Variants in HIPK2 observed in about 807,000 individuals in gnomAD.
HIPK2 encodes the protein homeodomain-interacting protein kinase 2.
A neutral mutation model predicts 113.7 loss-of-function variants in HIPK2; 27 were observed. That is an observed-to-expected ratio of 0.24 (90% CI 0.17 to 0.33). HIPK2 has a LOEUF of 0.33. Among genes scored for constraint, HIPK2 ranks in the 10% least tolerant of loss-of-function variants. HIPK2 has a pLI of 1.00. For missense variants in HIPK2, 1,257 were observed against 1,588.0 expected (o/e 0.79, Z 3.54); for synonymous variants, 631 against 642.2 (o/e 0.98, Z 0.26).
At chr7:139,637,342 C>T (rs1447570781) in intron 2 of HIPK2, among the ~76,000 whole-genome samples, 1 of 152,234 alleles carries the variant, frequency 6.6e-6, no homozygotes, top group East Asian at 1.9e-4. Context: ...ACGATTGGGA[C>T]CCTGCCCACC....
chr7:139,624,429 G>T (rs1386300175), intron 6 of HIPK2, among the ~76,000 whole-genome samples: 2 of 152,092 alleles, frequency 1.3e-5, no homozygotes, highest in Non-Finnish European at 2.9e-5. Context: ...GAAGTCACAG[G>T]TCCCTTTTTA....
chr7:139,671,572 CAG>C (rs1802303848), intron 2 of HIPK2, among the ~76,000 whole-genome samples: 1 of 151,294 alleles, frequency 6.6e-6, no homozygotes, highest in Non-Finnish European at 1.5e-5. Context: ...TTTTTTTTGA[CAG>C]AGTCTCTCGC....
chr7:139,725,059 G>A (rs1490738348), intron 1 of HIPK2, among the ~76,000 whole-genome samples: 1 of 151,536 alleles, frequency 6.6e-6, no homozygotes, highest in Admixed American at 6.6e-5. Context: ...CTGTATTAAG[G>A]GTCCTCTACA....
intron 1 of HIPK2, among the ~76,000 whole-genome samples, chr7:139,727,558 C>G (rs1795619866): frequency 6.6e-6 from 1 of 152,254 alleles, no homozygotes; most frequent in Non-Finnish European, 1.5e-5. Context: ...ACACATCTAT[C>G]TACTTATTGA....
chr7:139,646,966 T>G (rs1213416063), intron 2 of HIPK2, among the ~76,000 whole-genome samples: 1 of 152,154 alleles, frequency 6.6e-6, no homozygotes, highest in African/African-American at 2.4e-5. Context: ...ATGTCTGGCC[T>G]GGCTCTCATG....
At chr7:139,620,012 C>T (rs1274543514) in intron 7 of HIPK2, among the ~76,000 whole-genome samples, 1 of 152,146 alleles carries the variant, frequency 6.6e-6, no homozygotes, top group African/African-American at 2.4e-5. Flanking sequence ...ATCCTCCCAC[C>T]CTGAACTCCC....
chr7:139,701,302 A>G (rs1794700258), intron 2 of HIPK2, among the ~76,000 whole-genome samples: 1 of 152,244 alleles, frequency 6.6e-6, no homozygotes, highest in African/African-American at 2.4e-5. Flanking sequence ...GGAGAAGAAC[A>G]GGGAAAAGCC....
chr7:139,670,950 A>G (rs1386672148), intron 2 of HIPK2, among the ~76,000 whole-genome samples: 2 of 151,762 alleles, frequency 1.3e-5, no homozygotes, highest in African/African-American at 4.8e-5. Context: ...TGGTAGAGAC[A>G]GGGTTTTGCC....
In HIPK2 at chr7:139,564,181, C is replaced by CATTG. The variant is rs1248788135; in HGVS notation, c.*8742_*8745dup. On this transcript the variant is annotated 3_prime_UTR_variant, in exon 15 of 15. Transcript: ENST00000406875. ...AGTAAAACGTAAACATAGCCTTTTA[C>CATTG]ATTGATTTTGCTTTTAAGGGGAAAA... 5.2e-6 allele frequency: 2 copies of CATTG among 382,986 alleles called. No individual in the cohort carries two copies. The highest frequency in any genetic ancestry group is 4.5e-5 in the Admixed American group (1 of 22,246). 23.7% of individuals were successfully genotyped at this position (382,986 alleles called of 1,614,324 possible). A position where few individuals can be genotyped will look rare whatever the true frequency, so the allele number is the denominator to read the frequency against.
intron 13 of HIPK2, among the ~76,000 whole-genome samples, chr7:139,578,610 TA>T (rs1798567921): frequency 6.6e-6 from 1 of 152,290 alleles, no homozygotes; most frequent in South Asian, 2.1e-4. Flanking sequence ...TTTTCTTCAT[TA>T]AGTTTCTGGA....
At chr7:139,698,832 C>T (rs1294459727) in intron 2 of HIPK2, among the ~76,000 whole-genome samples, 1 of 152,180 alleles carries the variant, frequency 6.6e-6, no homozygotes, top group Non-Finnish European at 1.5e-5. Context: ...CCAGGACTAA[C>T]ACCCAGGACA....
intron 7 of HIPK2, among the ~76,000 whole-genome samples, chr7:139,618,997 A>G (rs1251161790): frequency 6.6e-6 from 1 of 152,192 alleles, no homozygotes; most frequent in Non-Finnish European, 1.5e-5. Context: ...GGGCAAGGTT[A>G]GTTTTCGGAC....
At position 139,654,788 on chromosome 7, in the gene HIPK2, G is replaced by A. The variant is rs140369004; in HGVS notation, c.1104-23063C>T. The stretch of plus-strand genomic sequence containing the variant: ...GCTTAAGAAGAGGCCTGTTCATTAC[G>A]ATATTCCTGGTAATATCAACTCTCA... On this transcript the variant is annotated intron_variant, in intron 2 of 14. Transcript: ENST00000406875. 3.2e-3 allele frequency among the ~76,000 whole-genome samples: 494 copies of A among 152,260 alleles called. 3 individuals carry two copies. The highest frequency in any genetic ancestry group is 0.011 in the African/African-American group (470 of 41,556).
chr7:139,573,545 T>A (rs1798384404), intron 14 of HIPK2, 148 bp from the exon 15 acceptor site: 2 of 767,164 alleles, frequency 2.6e-6, no homozygotes, highest in South Asian at 3.6e-5. Flanking sequence ...GTTGAGAAAG[T>A]AAAAATTTAC....
intron 2 of HIPK2, among the ~76,000 whole-genome samples, chr7:139,713,779 C>T (rs1048076603): frequency 3.9e-5 from 6 of 152,196 alleles, no homozygotes; most frequent in South Asian, 4.1e-4. Context: ...AACCTAAATA[C>T]GAAGTGGCAC....
In HIPK2 at chr7:139,631,540, A is replaced by G. The variant is rs768473042; in HGVS notation, c.1227+62T>C. 8.8e-6 allele frequency: 14 copies of G among 1,588,326 alleles called. No individual in the cohort carries two copies. Among genetic ancestry groups the G allele is most frequent in the African/African-American group, 1.3e-5 (1 of 74,082 alleles). ...TTGTCATGTAATCAATGAAATGCTA[A>G]TCCAGGCTATTTTCCAGATGAAGAA... On this transcript the variant is annotated intron_variant, in intron 3 of 14. Transcript: ENST00000406875. The surrounding 1 kb of genome is among the most constrained non-coding windows in gnomAD (Gnocchi z 4.9).
intron 2 of HIPK2, among the ~76,000 whole-genome samples, chr7:139,702,381 G>A (rs962564463): frequency 3.9e-5 from 6 of 152,206 alleles, no homozygotes; most frequent in Non-Finnish European, 7.3e-5. Flanking sequence ...CCAGCATGTG[G>A]CCTTGGGCCA....
At chr7:139,623,346 A>G (rs1800304221) in intron 6 of HIPK2, among the ~76,000 whole-genome samples, 1 of 152,030 alleles carries the variant, frequency 6.6e-6, no homozygotes, top group Non-Finnish European at 1.5e-5. Flanking sequence ...CCCTGTCTCT[A>G]TTAAAAATAC....
chr7:139,597,159 C>T (rs549262498), intron 11 of HIPK2, 161 bp from the exon 12 acceptor site: 73 of 290,020 alleles, frequency 2.5e-4, no homozygotes, highest in Middle Eastern at 1.8e-3. Context: ...AGGGATCATT[C>T]AGTGAGCGGC....
Sources: allele counts gnomAD v4.1 joint callset (sites outside exome capture counted in the v4.1 genomes callset), GRCh38; gene constraint gnomAD v4.1.1; non-coding constraint Gnocchi (gnomAD v3.1); transcripts MANE v1.5; gene names NCBI Gene and HGNC (gene_info 2026-07-23, HGNC 2026-07-21).